The following RICTOR variants were observed in gnomAD, a reference collection of about 807,000 sequenced individuals.
RICTOR encodes RPTOR independent companion of MTOR complex 2, also known as rapamycin-insensitive companion of mTOR.
Under a neutral mutation model 214.9 loss-of-function variants are expected in RICTOR, and 49 were observed. The ratio of observed to expected loss-of-function variants is 0.23; its 90% CI spans 0.18 to 0.29. The LOEUF (loss-of-function observed/expected upper bound fraction) is 0.29, where lower values mean the gene tolerates loss of function less well. RICTOR is among the 10% of genes least tolerant of loss of function. RICTOR has a pLI of 1.00. For synonymous variants in RICTOR, 717 were observed against 711.3 expected, an observed-to-expected ratio of 1.01 and a Z score of -0.13; for missense variants, 1,625 against 2,047.0, an observed-to-expected ratio of 0.79 and a Z score of 3.98.
chr5:38,972,159 A>C (rs1301750156), intron 10 of RICTOR, among the ~76,000 whole-genome samples, 200 bp from the exon 11 acceptor site: 1 of 152,224 alleles, frequency 6.6e-6, no homozygotes, highest in Non-Finnish European at 1.5e-5. Flanking sequence ...AGAGATTACC[A>C]ATAATTTCGT....
intron 31 of RICTOR, chr5:38,949,459 CT>C: frequency 6.5e-7 from 1 of 1,537,792 alleles, no homozygotes; most frequent in African/African-American, 1.4e-5. Context: ...TAAAAAAAAG[CT>C]TGTGACTTGT....
At chr5:39,041,679 T>A (rs1757179856) in intron 2 of RICTOR, among the ~76,000 whole-genome samples, 1 of 152,146 alleles carries the variant, frequency 6.6e-6, no homozygotes, top group Admixed American at 6.5e-5. Flanking sequence ...TAACAGGGAA[T>A]CCTAGAGCAA....
intron 10 of RICTOR, among the ~76,000 whole-genome samples, chr5:38,974,071 A>G (rs1242243385): frequency 6.8e-6 from 1 of 147,474 alleles, no homozygotes; most frequent in Non-Finnish European, 1.5e-5. Flanking sequence ...TTTTTTTGAG[A>G]CAGAGTCTCG....
intron 15 of RICTOR, among the ~76,000 whole-genome samples, chr5:38,965,734 A>T (rs1750160945): frequency 6.6e-6 from 1 of 152,070 alleles, no homozygotes; most frequent in Admixed American, 6.5e-5. Flanking sequence ...AAGAAAGTTA[A>T]ATTAAATTCT....
chr5:39,022,751 G>A (rs1755525719), intron 2 of RICTOR, among the ~76,000 whole-genome samples: 1 of 152,134 alleles, frequency 6.6e-6, no homozygotes, highest in African/African-American at 2.4e-5. Context: ...TGAATGGCCT[G>A]AAACCCATTC....
At chr5:38,982,430 T>C (rs760327279) in intron 7 of RICTOR, among the ~76,000 whole-genome samples, 3 of 152,176 alleles carry the variant, frequency 2.0e-5, no homozygotes, top group Non-Finnish European at 4.4e-5. Flanking sequence ...AACACACACA[T>C]AGAACACACA....
Position 38,957,637 on chromosome 5 carries a change from C to A in RICTOR, c.2499+15G>T. The A allele has an allele frequency of 7.3e-7, 1 of 1,365,680 alleles. No individual in the cohort carries two copies. The highest frequency in any genetic ancestry group is 1.3e-5 in the South Asian group (1 of 79,376). 84.6% of individuals were successfully genotyped at this position (1,365,680 alleles called of 1,614,324 possible). A position where few individuals can be genotyped will look rare whatever the true frequency, so the allele number is the denominator to read the frequency against. ...AAAAACACACAAATTCAACTTTATTCAAATAAGAAGTTACCCTGTGCCACT... is the reference window on the plus strand; with the variant it reads ...AAAAACACACAAATTCAACTTTATTAAAATAAGAAGTTACCCTGTGCCACT... On this transcript the variant is annotated intron_variant, in intron 25 of 37. Coordinates refer to ENST00000357387, the MANE Select transcript of RICTOR (RefSeq NM_152756.5).
Position 39,074,129 on chromosome 5 carries a change from G to A in RICTOR, c.79C>T (p.Pro27Ser), listed in dbSNP as rs980024517. 3.8e-6 allele frequency: 6 copies of A among 1,585,076 alleles called. No individual in the cohort carries two copies. Among genetic ancestry groups the A allele is most frequent in the African/African-American group, 2.8e-5 (2 of 71,642 alleles). The change falls in exon 2 of 38, where the codon CCG becomes TCG. Residue 27 changes from proline (P) to serine (S), a missense_variant. By Grantham distance (74) the Pro-to-Ser change is moderately conservative. Coordinates refer to ENST00000357387, the MANE Select transcript of RICTOR (RefSeq NM_152756.5). ...GRNDSGEENV[P>S]LDLTREPSDN... is the part of the protein sequence containing the mutation. The stretch of plus-strand genomic sequence containing the variant: ...GCGTTACCTCGGGTCAGATCCAGCG[G>A]GACGTTCTCCTCGCCGCTGTCATTC...
intron 2 of RICTOR, among the ~76,000 whole-genome samples, chr5:39,064,651 G>C (rs1253189006): frequency 6.6e-6 from 1 of 152,172 alleles, no homozygotes; most frequent in Non-Finnish European, 1.5e-5. Flanking sequence ...CTGGGAGCGG[G>C]AGGAGGCAGC....
rs187311748 is a variant in RICTOR, at chr5:39,070,108, T to C, written c.97+4003A>G. 2.0e-5 allele frequency among the ~76,000 whole-genome samples: 3 copies of C among 152,348 alleles called. No homozygotes were observed. The East Asian group carries it at 5.8e-4, about 29-fold the overall frequency. ...TATAAATGTTCAGTCAATGTCCATTTTGTCTAACTGAATGATTAAACAAAT... is the reference window on the plus strand; with the variant it reads ...TATAAATGTTCAGTCAATGTCCATTCTGTCTAACTGAATGATTAAACAAAT... On this transcript the variant is annotated intron_variant, in intron 2 of 37. Coordinates refer to ENST00000357387, the MANE Select transcript of RICTOR (RefSeq NM_152756.5).
intron 3 of RICTOR, 79 bp from the exon 4 acceptor site, chr5:39,003,701 G>A: frequency 2.6e-6 from 2 of 772,858 alleles, no homozygotes; most frequent in South Asian, 2.0e-5. Context: ...ATTTACACTG[G>A]AAAATAAGGT....
At chr5:38,983,463 A>G (rs1419748690) in intron 7 of RICTOR, among the ~76,000 whole-genome samples, 1 of 152,216 alleles carries the variant, frequency 6.6e-6, no homozygotes, top group Non-Finnish European at 1.5e-5. Flanking sequence ...ATTTTGGCTA[A>G]TAACCTGGCT....
rs1748030571 is a variant in RICTOR, at chr5:38,945,082, T to C, written c.4634-14A>G. 1.9e-6 allele frequency: 3 copies of C among 1,566,006 alleles called. No individual in the cohort carries two copies. The highest frequency in any genetic ancestry group is 3.6e-5 in the Admixed American group (2 of 55,482). ...TATCTTGAAAGTCTGAAGAAAAAAA[T>C]AATTATTTCAATTAAAGCACCATAA... is the stretch of plus-strand genomic sequence containing the variant. On this transcript the variant is annotated splice_polypyrimidine_tract_variant and intron_variant, in intron 34 of 37. Transcript: ENST00000357387.
chr5:39,059,124 G>A (rs556416726), intron 2 of RICTOR, among the ~76,000 whole-genome samples: 254 of 152,146 alleles, frequency 1.7e-3, no homozygotes, highest in Middle Eastern at 3.4e-3. Flanking sequence ...ATACACATGA[G>A]CAGACTTAGA....
At chr5:38,952,718 G>A (rs1748901186) in intron 29 of RICTOR, among the ~76,000 whole-genome samples, 1 of 151,878 alleles carries the variant, frequency 6.6e-6, no homozygotes, top group South Asian at 2.1e-4. Flanking sequence ...GAACAGCTGG[G>A]TTACAGGAAT....
At chr5:38,975,375 C>G (rs996414082) in intron 10 of RICTOR, among the ~76,000 whole-genome samples, 162 bp downstream of exon 10, 1 of 152,062 alleles carries the variant, frequency 6.6e-6, no homozygotes, top group African/African-American at 2.4e-5. Context: ...TTTCCTTCAC[C>G]ATATTTTAAT....
At chr5:38,953,579 G>T in intron 27 of RICTOR, 26 bp from the exon 28 acceptor site, 1 of 730,834 alleles carries the variant, frequency 1.4e-6, no homozygotes, top group Non-Finnish European at 2.2e-6. Context: ...AAAATACCAT[G>T]AGTAATAATA....
rs545337948 is a variant in RICTOR at position 38,985,335 on chromosome 5, T to C, written c.584-3299A>G. 2.3e-4 allele frequency among the ~76,000 whole-genome samples: 35 copies of C among 152,292 alleles called. 1 individual carries two copies. Among genetic ancestry groups the C allele is most frequent in the African/African-American group, 7.5e-4 (31 of 41,572 alleles). Reference sequence around the variant, plus strand: ...CCCTACAATGTAAACCCTATGTAAATGGTTATACTGTATTTAAAATTTTTT... The same window carrying C: ...CCCTACAATGTAAACCCTATGTAAACGGTTATACTGTATTTAAAATTTTTT... On this transcript the variant is annotated intron_variant, in intron 7 of 37. Transcript: ENST00000357387.
Position 38,958,451 on chromosome 5 carries a change from G to T in RICTOR, c.2412C>A (p.Leu804=). The T allele has an allele frequency of 1.2e-6, 2 of 1,604,368 alleles. No individual in the cohort carries two copies. Among genetic ancestry groups the T allele is most frequent in the Non-Finnish European group, 1.7e-6 (2 of 1,171,410 alleles). ...LSHLGDKGLL[L]LLRFLSIPKG... ...ATTTACTTAAAATTTACCTCAGCAG[G>T]AGAAGCAAACCCTTGTCTCCAAGGT... is the stretch of plus-strand genomic sequence containing the variant. The change falls in exon 24 of 38, where the codon CTC becomes CTA. Residue 804 remains leucine, a synonymous_variant. Transcript: ENST00000357387.
Sources: allele counts gnomAD v4.1 joint callset (sites outside exome capture counted in the v4.1 genomes callset), GRCh38; gene constraint gnomAD v4.1.1; transcripts MANE v1.5; gene names NCBI Gene and HGNC (gene_info 2026-07-23, HGNC 2026-07-21).